RBL1: variants seen among roughly 807,000 people sequenced by gnomAD.
The protein encoded by RBL1 is RB transcriptional corepressor like 1.
Under a neutral mutation model 123.0 loss-of-function variants are expected in RBL1, and 82 were observed. That is an observed-to-expected ratio of 0.67 (90% CI 0.56 to 0.80). The LOEUF (loss-of-function observed/expected upper bound fraction) is 0.80. RBL1 is among the 30% of genes least tolerant of loss of function. The pLI is 0.00. For synonymous variants in RBL1, 405 were observed against 441.3 expected, an observed-to-expected ratio of 0.92 and a Z score of 1.03; for missense variants, 1,171 against 1,299.6, an observed-to-expected ratio of 0.90 and a Z score of 1.52.
intron 1 of RBL1, among the ~76,000 whole-genome samples, chr20:37,093,058 G>A (rs1484063422): frequency 6.6e-6 from 1 of 152,064 alleles, no homozygotes; most frequent in Non-Finnish European, 1.5e-5. Flanking sequence ...AAGAAGAACT[G>A]AAGATAAAGT....
chr20:37,041,485 C>G (rs6073123), intron 13 of RBL1, among the ~76,000 whole-genome samples: 3 of 152,052 alleles, frequency 2.0e-5, no homozygotes, highest in Non-Finnish European at 2.9e-5. Flanking sequence ...CCATGCCCAG[C>G]TAATTTTTTG....
intron 21 of RBL1, among the ~76,000 whole-genome samples, chr20:37,000,631 C>CA (rs2063957630): frequency 7.2e-6 from 1 of 138,866 alleles, no homozygotes; most frequent in African/African-American, 2.8e-5. Context: ...CCGCCACATC[C>CA]GGGAGGTGAG....
chr20:37,012,900 G>C (rs1421046398), intron 19 of RBL1, among the ~76,000 whole-genome samples: 3 of 145,308 alleles, frequency 2.1e-5, no homozygotes, highest in Non-Finnish European at 4.5e-5. Flanking sequence ...CAGCCGCCCC[G>C]TCCGGGAGGG....
chr20:37,053,541 C>T (rs2064954420), intron 11 of RBL1, among the ~76,000 whole-genome samples: 1 of 152,148 alleles, frequency 6.6e-6, no homozygotes. Context: ...ACAGGAATAA[C>T]TGGATAAGTA....
At chr20:37,026,560 C>T (rs571307986) in intron 16 of RBL1, among the ~76,000 whole-genome samples, 105 of 152,020 alleles carry the variant, frequency 6.9e-4, no homozygotes, top group Middle Eastern at 6.8e-3. Flanking sequence ...AAAAATTAGC[C>T]GGGTGTGGTG....
intron 9 of RBL1, among the ~76,000 whole-genome samples, chr20:37,059,774 A>C (rs1379563147): frequency 1.3e-5 from 2 of 151,906 alleles, no homozygotes; most frequent in Admixed American, 1.3e-4. Flanking sequence ...CTATTCTCTT[A>C]TTTTATTAGG....
chr20:37,012,948 C>T (rs1261492474), intron 19 of RBL1, among the ~76,000 whole-genome samples: 1 of 147,078 alleles, frequency 6.8e-6, no homozygotes, highest in Non-Finnish European at 1.5e-5. Flanking sequence ...CCAGCCGCCC[C>T]GTCCGGGAGG....
intron 16 of RBL1, among the ~76,000 whole-genome samples, chr20:37,031,832 G>A (rs765629226): frequency 3.3e-5 from 5 of 151,588 alleles, no homozygotes; most frequent in Non-Finnish European, 5.9e-5. Flanking sequence ...TCAACCTCCT[G>A]GGCTCATGTG....
chr20:37,003,941 T>C, intron 20 of RBL1, 75 bp from the exon 21 acceptor site: 4 of 1,340,748 alleles, frequency 3.0e-6, no homozygotes, highest in South Asian at 1.6e-5. Context: ...TTTATTCTTA[T>C]GGTATCTTCT....
At chr20:37,027,839 C>T (rs906847666) in intron 16 of RBL1, among the ~76,000 whole-genome samples, 2 of 152,116 alleles carry the variant, frequency 1.3e-5, no homozygotes, top group African/African-American at 2.4e-5. Flanking sequence ...ACTGCAGCCT[C>T]GAAATCATGG....
chr20:37,071,586 G>C (rs73289832), intron 2 of RBL1, among the ~76,000 whole-genome samples: 4 of 152,292 alleles, frequency 2.6e-5, no homozygotes, highest in African/African-American at 9.6e-5. Flanking sequence ...AGCCTGAGGG[G>C]TTGAAGCTGC....
chr20:37,023,946 T>C (rs1213283968), intron 16 of RBL1, among the ~76,000 whole-genome samples: 1 of 140,884 alleles, frequency 7.1e-6, no homozygotes, highest in Non-Finnish European at 1.6e-5. Flanking sequence ...CCTGGCTAAT[T>C]TTTTTTTTTT....
chr20:37,073,255 C>G (rs1193138575), intron 2 of RBL1, among the ~76,000 whole-genome samples: 89 of 152,100 alleles, frequency 5.9e-4, no homozygotes, highest in Non-Finnish European at 5.9e-5. Context: ...GAATGGCTTT[C>G]CTAACCTGGA....
intron 21 of RBL1, among the ~76,000 whole-genome samples, chr20:37,000,808 G>C (rs1345719196): frequency 7.2e-6 from 1 of 138,824 alleles, no homozygotes; most frequent in East Asian, 2.2e-4. Flanking sequence ...CGCCCCGTCC[G>C]GGAGGTGAGG....
Position 37,044,074 on chromosome 20 carries a change from G to C in RBL1, c.1770+12C>G. On this transcript the variant is annotated intron_variant, in intron 13 of 21. Transcript: ENST00000373664. The stretch of plus-strand genomic sequence containing the variant: ...TTTTAATGATACGATTATCAGCCTT[G>C]CCCAGACTCACTTCTTCACAGGTAG... 1 of 1,458,514 alleles carries C rather than the reference G, an allele frequency of 6.9e-7. No individual in the cohort carries two copies. Among genetic ancestry groups the C allele is most frequent in the African/African-American group, 1.5e-5 (1 of 65,958 alleles). 90.3% of individuals were successfully genotyped at this position (1,458,514 alleles called of 1,614,324 possible).
intron 19 of RBL1, among the ~76,000 whole-genome samples, chr20:37,012,595 C>G (rs1199022481): frequency 6.9e-6 from 1 of 145,710 alleles, no homozygotes; most frequent in African/African-American, 2.8e-5. Context: ...GCCCAGCCGC[C>G]CCGTCTGAGA....
chr20:37,086,325 G>C (rs921330857), intron 2 of RBL1, among the ~76,000 whole-genome samples: 1 of 151,884 alleles, frequency 6.6e-6, no homozygotes, highest in African/African-American at 2.4e-5. Flanking sequence ...GGTGGCTTAC[G>C]TCTATAGTCC....
intron 20 of RBL1, among the ~76,000 whole-genome samples, chr20:37,005,683 T>C (rs959256970): frequency 6.6e-6 from 1 of 152,086 alleles, no homozygotes; most frequent in Non-Finnish European, 1.5e-5. Context: ...TAAATTAAGA[T>C]GGTAGAGATA....
chr20:37,088,652 C>T (rs1043722953), intron 2 of RBL1, among the ~76,000 whole-genome samples: 6 of 151,024 alleles, frequency 4.0e-5, no homozygotes, highest in Non-Finnish European at 8.8e-5. Flanking sequence ...GTCAGGAGTT[C>T]GAGAACAGCC....
Sources: allele counts gnomAD v4.1 joint callset (sites outside exome capture counted in the v4.1 genomes callset), GRCh38; gene constraint gnomAD v4.1.1; transcripts MANE v1.5; gene names NCBI Gene and HGNC (gene_info 2026-07-23, HGNC 2026-07-21).